The following RARB variants were observed in gnomAD, a reference collection of about 807,000 sequenced individuals.
RARB encodes the protein HBV-activated protein.
RARB carries 17 observed loss-of-function variants against 51.9 expected under a neutral mutation model. That is an observed-to-expected ratio of 0.33 (90% CI 0.22 to 0.49). The LOEUF (loss-of-function observed/expected upper bound fraction) is 0.49. Among genes scored for constraint, RARB ranks in the 20% least tolerant of loss-of-function variants. RARB has a pLI of 0.99. For synonymous variants in RARB, 215 were observed against 195.4 expected (o/e 1.10, Z -0.84); for missense variants, 369 against 550.8 (o/e 0.67, Z 3.30).
At chr3:25,070,869 G>A (rs1035622854) in intron 3 of RARB, among the ~76,000 whole-genome samples, 1 of 152,140 alleles carries the variant, frequency 6.6e-6, no homozygotes, top group African/African-American at 2.4e-5. Context: ...ACTAGTACTG[G>A]TGTCTCTATT....
chr3:25,340,337 A>T (rs1705192148), intron 5 of RARB, among the ~76,000 whole-genome samples: 1 of 152,136 alleles, frequency 6.6e-6, no homozygotes, highest in African/African-American at 2.4e-5. Flanking sequence ...ATGGAATGTA[A>T]GTTCAATTTC....
intron 5 of RARB, among the ~76,000 whole-genome samples, chr3:25,331,787 TAAAG>T (rs1559360487): frequency 6.6e-6 from 1 of 151,592 alleles, no homozygotes; most frequent in East Asian, 1.9e-4. Context: ...GCAGGACTAA[TAAAG>T]AAGAAAAGAG....
intron 1 of RARB, among the ~76,000 whole-genome samples, chr3:25,439,291 T>C (rs1279890105): frequency 6.6e-6 from 1 of 150,386 alleles, no homozygotes; most frequent in Non-Finnish European, 1.5e-5. Context: ...ATCTATTGTG[T>C]GCAGAGGATC....
At chr3:25,163,433 AG>A (rs1700505632) in intron 4 of RARB, among the ~76,000 whole-genome samples, 1 of 150,860 alleles carries the variant, frequency 6.6e-6, no homozygotes, top group African/African-American at 2.4e-5. Flanking sequence ...TGAGCCTGGG[AG>A]GGCAAGGCTA....
chr3:25,402,770 G>A (rs957436825), intron 5 of RARB, among the ~76,000 whole-genome samples: 2 of 152,146 alleles, frequency 1.3e-5, no homozygotes, highest in Non-Finnish European at 2.9e-5. Context: ...TTGAACTCAT[G>A]GCCATAGAAA....
At chr3:25,572,811 C>A (rs1700757982) in intron 4 of RARB, among the ~76,000 whole-genome samples, 1 of 152,176 alleles carries the variant, frequency 6.6e-6, no homozygotes, top group Non-Finnish European at 1.5e-5. Context: ...GGGTCCCCCT[C>A]CGCCTCCTCC....
intron 4 of RARB, among the ~76,000 whole-genome samples, chr3:25,163,497 A>G (rs1226775592): frequency 8.7e-5 from 11 of 126,468 alleles, no homozygotes; most frequent in Admixed American, 3.2e-4. Context: ...ATAAGACCCT[A>G]TCTCAAAATA....
At chr3:25,214,600 C>G (rs1336494274) in intron 5 of RARB, among the ~76,000 whole-genome samples, 1 of 152,132 alleles carries the variant, frequency 6.6e-6, no homozygotes, top group Admixed American at 6.5e-5. Context: ...TAAGAATCCT[C>G]AATATTTTAA....
At chr3:25,385,481 CAAT>C (rs1706765779) in intron 5 of RARB, among the ~76,000 whole-genome samples, 1 of 152,072 alleles carries the variant, frequency 6.6e-6, no homozygotes, top group Admixed American at 6.6e-5. Context: ...AAGACACAGA[CAAT>C]GAAAAGGTGA....
intron 1 of RARB, among the ~76,000 whole-genome samples, chr3:25,438,208 G>C (rs1708513291): frequency 6.6e-6 from 1 of 152,276 alleles, no homozygotes; most frequent in East Asian, 1.9e-4. Flanking sequence ...AGAGTGTTTC[G>C]AGAGTGAACC....
At chr3:25,265,491 G>A (rs1473873128) in intron 5 of RARB, among the ~76,000 whole-genome samples, 1 of 151,964 alleles carries the variant, frequency 6.6e-6, no homozygotes, top group Non-Finnish European at 1.5e-5. Flanking sequence ...TCATTGTTTT[G>A]AGACAGAGTC....
At chr3:24,931,399 C>T (rs890314911) in intron 2 of RARB, among the ~76,000 whole-genome samples, 2 of 151,906 alleles carry the variant, frequency 1.3e-5, no homozygotes, top group African/African-American at 4.8e-5. Context: ...TCTGTACTTC[C>T]CCTTTAGCTA....
chr3:25,134,815 A>G (rs998084431), intron 4 of RARB, among the ~76,000 whole-genome samples: 1 of 118,938 alleles, frequency 8.4e-6, no homozygotes. Context: ...AATGGATCTG[A>G]CCTTAACCGT....
At position 25,213,136 on chromosome 3, in the gene RARB, G is replaced by T. The variant is rs570828553; in HGVS notation, c.178+38561G>T. 2.8e-3 allele frequency among the ~76,000 whole-genome samples: 427 copies of T among 152,160 alleles called. 2 individuals carry two copies. The highest frequency in any genetic ancestry group is 9.5e-3 in the African/African-American group (396 of 41,494). ...ATACTATATATATAGTAAGAATATA[G>T]TTGAAAGAATTCACTGGTGTACATA... On this transcript the variant is annotated intron_variant, in intron 5 of 11. Coordinates refer to the RARB transcript ENST00000383772.
At chr3:25,222,363 C>T (rs556771606) in intron 5 of RARB, among the ~76,000 whole-genome samples, 2 of 152,076 alleles carry the variant, frequency 1.3e-5, no homozygotes, top group Non-Finnish European at 2.9e-5. Flanking sequence ...CTTACTCGTC[C>T]AAGGATGTTT....
intron 5 of RARB, among the ~76,000 whole-genome samples, chr3:25,421,610 T>G (rs1707867162): frequency 2.6e-5 from 4 of 152,050 alleles, no homozygotes; most frequent in Middle Eastern, 3.4e-3. Context: ...AGACTGGGTT[T>G]CACTGTGATG....
At chr3:25,543,713 A>G (rs1254396989) in intron 3 of RARB, among the ~76,000 whole-genome samples, 1 of 152,206 alleles carries the variant, frequency 6.6e-6, no homozygotes, top group Non-Finnish European at 1.5e-5. Flanking sequence ...ATAGCCTGCC[A>G]GTGGGGGCTA....
intron 1 of RARB, among the ~76,000 whole-genome samples, chr3:24,844,653 G>A (rs1374358339): frequency 1.3e-5 from 2 of 152,186 alleles, no homozygotes; most frequent in Non-Finnish European, 2.9e-5. Context: ...ATGACCTTGG[G>A]CAAATCAAAT....
intron 5 of RARB, among the ~76,000 whole-genome samples, chr3:25,255,104 A>C (rs1424884218): frequency 1.3e-5 from 2 of 152,190 alleles, no homozygotes; most frequent in Admixed American, 6.6e-5. Flanking sequence ...ATTTGGCTTT[A>C]GGGTAACACT....
Sources: allele counts gnomAD v4.1 joint callset (sites outside exome capture counted in the v4.1 genomes callset), GRCh38; gene constraint gnomAD v4.1.1; transcripts MANE v1.5; gene names NCBI Gene and HGNC (gene_info 2026-07-23, HGNC 2026-07-21).